PLPPR3: variants seen among roughly 807,000 people sequenced by gnomAD.
PLPPR3 encodes phospholipid phosphatase related 3, also known as phospholipid phosphatase-related protein type 3.
A neutral mutation model predicts 27.3 loss-of-function variants in PLPPR3; 14 were observed. That is an observed-to-expected ratio of 0.51 (90% CI 0.34 to 0.80). The LOEUF is 0.80. Ranked by LOEUF, PLPPR3 falls within the 30% of genes least tolerant of loss-of-function variation. The pLI is 0.01. For missense variants in PLPPR3, 1,287 were observed against 1,056.9 expected, an observed-to-expected ratio of 1.22 and a Z score of -3.02; for synonymous variants, 671 against 508.0, an observed-to-expected ratio of 1.32 and a Z score of -4.32.
chr19:813,560 C>T lies in PLPPR3; in HGVS notation c.1167G>A (p.Ala389=), dbSNP rs755169424. 7.1e-6 allele frequency: 11 copies of T among 1,559,576 alleles called. No individual in the cohort carries two copies. Among genetic ancestry groups the T allele is most frequent in the Admixed American group, 3.8e-5 (2 of 53,014 alleles). Residue 389 remains alanine, a synonymous_variant, in exon 8 of 8, where the codon GCG becomes GCA. Coordinates refer to ENST00000520876, the MANE Select transcript of PLPPR3 (RefSeq NM_001270366.2). The surrounding 1 kb of genome is among the most constrained non-coding windows in gnomAD (Gnocchi z 4.1). ...GCACGTGGATGGTCATGTGGCGGCG[C>T]GCGGGGTCGTCCAGCGAGGGCGCGC... The part of the protein sequence containing the change: ...RASAPSLDDP[A]RRHMTIHVPL...
At chr19:815,381 C>G (rs1378135553) in intron 3 of PLPPR3, 54 bp from the exon 4 acceptor site, 34 of 1,488,790 alleles carry the variant, frequency 2.3e-5, no homozygotes, top group Non-Finnish European at 2.6e-5. Flanking sequence ...AGGGGGCGCT[C>G]AGGCGGGCTC....
Position 813,413 on chromosome 19 carries a change from G to A in PLPPR3, c.1314C>T (p.Pro438=). 1 of 1,497,206 alleles carries A rather than the reference G, an allele frequency of 6.7e-7. No homozygotes were observed. Among genetic ancestry groups the A allele is most frequent in the Middle Eastern group, 2.0e-4 (1 of 4,950 alleles). The allele number at this position is 1,497,206 out of a possible 1,614,324, so 92.7% of individuals were successfully genotyped here. ...SPGHLRAPAE[P]MAEEEEEEED... The stretch of plus-strand genomic sequence containing the variant: ...CCTCCTCTTCCTCCTCCTCCGCCAT[G>A]GGTTCGGCGGGCGCGCGCAGGTGCC... The change falls in exon 8 of 8, where the codon CCC becomes CCT. Residue 438 remains proline, a synonymous_variant. Coordinates refer to ENST00000520876, the MANE Select transcript of PLPPR3 (RefSeq NM_001270366.2). The surrounding 1 kb of genome is among the most constrained non-coding windows in gnomAD (Gnocchi z 4.1).
chr19:821,889 G>T, intron 1 of PLPPR3, 26 bp downstream of exon 1: 1 of 215,126 alleles, frequency 4.6e-6, no homozygotes, highest in Non-Finnish European at 9.1e-6. Context: ...GACTGGGTCC[G>T]CGCCCCCAGC....
intron 2 of PLPPR3, among the ~76,000 whole-genome samples, chr19:819,819 G>A (rs2035119581): frequency 6.6e-6 from 1 of 152,026 alleles, no homozygotes; most frequent in African/African-American, 2.4e-5. Context: ...CGGTTTTCCT[G>A]GCCTGACATG....
Position 813,196 on chromosome 19 carries a change from T to G in PLPPR3, c.1531A>C (p.Ser511Arg). The G allele has an allele frequency of 6.6e-7, 1 of 1,507,510 alleles. No individual in the cohort carries two copies. The highest frequency in any genetic ancestry group is 1.2e-5 in the South Asian group (1 of 81,036). The allele number at this position is 1,507,510 out of a possible 1,614,324, so 93.4% of individuals were successfully genotyped here. A position where few individuals can be genotyped will look rare whatever the true frequency, so the allele number is the denominator to read the frequency against. ...AQTGAGLSPK[S>R]GAGVRAKWLM... ...CACTTGGCGCGCACCCCGGCGCCGC[T>G]TTTGGGGGACAGGCCGGCCCCCGTC... is the stretch of plus-strand genomic sequence containing the variant. The change falls in exon 8 of 8, where the codon AGC becomes CGC. Residue 511 changes from serine (S) to arginine (R), a missense_variant. Physicochemically the swap from Ser to Arg is moderately radical, Grantham distance 110. Transcript: ENST00000520876. This position sits in a 1 kb window ranked among gnomAD's most constrained non-coding sequence, Gnocchi z 4.1.
chr19:816,105 C>A (rs2035048259), intron 2 of PLPPR3, among the ~76,000 whole-genome samples: 4 of 152,056 alleles, frequency 2.6e-5, no homozygotes, highest in Non-Finnish European at 5.9e-5. Context: ...CATCCACCCA[C>A]TCACCGACCC....
chr19:819,543 G>A (rs1290409534), intron 2 of PLPPR3, among the ~76,000 whole-genome samples: 4 of 152,106 alleles, frequency 2.6e-5, no homozygotes. Context: ...GCCCACCTCG[G>A]CCTCCCAAAG....
rs1189755426 is a variant in PLPPR3, at chr19:819,283, T to TC, written c.75+2201_75+2202insG. On this transcript the variant is annotated intron_variant, in intron 2 of 7. Transcript: ENST00000520876. ...TGAGCCACTGCACCCAGCCTACTTTTTTTTTTTTTTTTTCCGAGATGGAGT... is the reference window on the plus strand; with the variant it reads ...TGAGCCACTGCACCCAGCCTACTTTTCTTTTTTTTTTTTTCCGAGATGGAGT... 3.3e-5 allele frequency among the ~76,000 whole-genome samples: 4 copies of TC among 121,508 alleles called. No individual in the cohort carries two copies. In the South Asian group the frequency reaches 8.6e-4, roughly 26 times the overall value. 79.7% of individuals were successfully genotyped at this position (121,508 alleles called of 152,430 possible).
Position 812,939 on chromosome 19 carries a change from C to T in PLPPR3, c.1788G>A (p.Ser596=), listed in dbSNP as rs371075527. Residue 596 remains serine, a synonymous_variant, in exon 8 of 8, where the codon TCG becomes TCA. Transcript: ENST00000520876. The part of the protein sequence containing the change: ...HAPHHPVVHL[S]AGGAPWEWKA... ...TCCACTCCCAGGGCGCGCCGCCGGCCGACAGGTGCACCACGGGGTGGTGCG... is the reference window on the plus strand; with the variant it reads ...TCCACTCCCAGGGCGCGCCGCCGGCTGACAGGTGCACCACGGGGTGGTGCG... 2,019 of 1,368,794 alleles carry T rather than the reference C, an allele frequency of 1.5e-3. 4 individuals carry two copies. The highest frequency in any genetic ancestry group is 1.8e-3 in the Non-Finnish European group (1,876 of 1,061,164). The allele number at this position is 1,368,794 out of a possible 1,614,324, so 84.8% of individuals were successfully genotyped here. A position where few individuals can be genotyped will look rare whatever the true frequency, so the allele number is the denominator to read the frequency against.
chr19:818,780 A>G (rs893653944), intron 2 of PLPPR3, among the ~76,000 whole-genome samples: 3 of 151,908 alleles, frequency 2.0e-5, no homozygotes, highest in Non-Finnish European at 4.4e-5. Context: ...TGATCCGCCC[A>G]CCTAGGCCTT....
chr19:823,770 C>T (rs2035183875), upstream of PLPPR3, among the ~76,000 whole-genome samples: 1 of 152,206 alleles, frequency 6.6e-6, no homozygotes, highest in Non-Finnish European at 1.5e-5. Context: ...GATCCTGTTC[C>T]TCCCCAACAG....
intron 2 of PLPPR3, among the ~76,000 whole-genome samples, chr19:819,416 G>T (rs1169354534): frequency 6.6e-6 from 1 of 151,498 alleles, no homozygotes; most frequent in Non-Finnish European, 1.5e-5. Context: ...GAGTAGATGG[G>T]ATTACAGGCG....
intron 2 of PLPPR3, among the ~76,000 whole-genome samples, chr19:816,183 T>C (rs1057214479): frequency 1.2e-3 from 146 of 117,236 alleles, no homozygotes; most frequent in Middle Eastern, 6.3e-3. Context: ...ACCCATCATC[T>C]ATCCACCCAT....
chr19:813,160 C>A lies in PLPPR3; in HGVS notation c.1567G>T (p.Ala523Ser). The A allele has an allele frequency of 6.6e-7, 1 of 1,520,546 alleles. No individual in the cohort carries two copies. Among genetic ancestry groups the A allele is most frequent in the Non-Finnish European group, 8.7e-7 (1 of 1,144,800 alleles). The allele number at this position is 1,520,546 out of a possible 1,614,324, so 94.2% of individuals were successfully genotyped here. A position where few individuals can be genotyped will look rare whatever the true frequency, so the allele number is the denominator to read the frequency against. The change falls in exon 8 of 8, where the codon GCC (alanine) becomes TCC (serine). Residue 523 changes from alanine (A) to serine (S), a missense_variant. Transcript: ENST00000520876. This position sits in a 1 kb window ranked among gnomAD's most constrained non-coding sequence, Gnocchi z 4.1. The part of the protein sequence containing the change: ...AGVRAKWLMM[A>S]EKSGAAVANP... ...GCCACTGCCGCCCCGCTCTTCTCGG[C>A]CATCATGAGCCACTTGGCGCGCACC...
chr19:821,692 A>G, intron 1 of PLPPR3, 107 bp from the exon 2 acceptor site: 1 of 529,834 alleles, frequency 1.9e-6, no homozygotes. Context: ...CTGAGGCTGC[A>G]GAGAGCGGCG....
Position 812,742 on chromosome 19 carries a change from G to T in PLPPR3, c.1985C>A (p.Ala662Asp). 9.3e-7 allele frequency: 1 copy of T among 1,070,010 alleles called. No homozygotes were observed. The highest frequency in any genetic ancestry group is 6.1e-5 in the East Asian group (1 of 16,262). The allele number at this position is 1,070,010 out of a possible 1,614,324, so 66.3% of individuals were successfully genotyped here. Residue 662 changes from alanine (A) to aspartate (D), a missense_variant, in exon 8 of 8, where the codon GCC becomes GAC. Coordinates refer to ENST00000520876, the MANE Select transcript of PLPPR3 (RefSeq NM_001270366.2). ...RFGAVATVNLATGEGLPPLGA... is the reference protein window; with the variant it reads ...RFGAVATVNLDTGEGLPPLGA... The stretch of plus-strand genomic sequence containing the variant: ...CAGCGGGGGCAGCCCCTCGCCCGTG[G>T]CCAGGTTGACGGTGGCCACGGCCCC...
intron 2 of PLPPR3, among the ~76,000 whole-genome samples, chr19:816,440 A>G: frequency 7.8e-6 from 1 of 127,594 alleles, no homozygotes. Context: ...CCACCCATCT[A>G]CCCACCTACC....
At chr19:815,547 C>A (rs958743797) in intron 3 of PLPPR3, 119 bp downstream of exon 3, 1 of 1,214,654 alleles carries the variant, frequency 8.2e-7, no homozygotes, top group Non-Finnish European at 1.1e-6. Flanking sequence ...CAGGCTGGCA[C>A]AGGCCCCGGT....
At position 813,188 on chromosome 19, in the gene PLPPR3, G is replaced by C; in HGVS notation, c.1539C>G (p.Ala513=). The C allele has an allele frequency of 6.6e-7, 1 of 1,511,116 alleles. No homozygotes were observed. Among genetic ancestry groups the C allele is most frequent in the East Asian group, 2.7e-5 (1 of 37,264 alleles). 93.6% of individuals were successfully genotyped at this position (1,511,116 alleles called of 1,614,324 possible). ...TCATGAGCCACTTGGCGCGCACCCC[G>C]GCGCCGCTTTTGGGGGACAGGCCGG... ...TGAGLSPKSG[A]GVRAKWLMMA... The change falls in exon 8 of 8, where the codon GCC becomes GCG. Residue 513 remains alanine, a synonymous_variant. Coordinates refer to ENST00000520876, the MANE Select transcript of PLPPR3 (RefSeq NM_001270366.2). This position sits in a 1 kb window ranked among gnomAD's most constrained non-coding sequence, Gnocchi z 4.1.
Sources: gnomAD v4.1 joint callset for allele counts (sites outside exome capture counted in the v4.1 genomes callset) on GRCh38, gnomAD v4.1.1 for gene constraint, Gnocchi (gnomAD v3.1) non-coding constraint, MANE v1.5 for transcripts, NCBI Gene and HGNC (gene_info 2026-07-23, HGNC 2026-07-21) for gene names.